Variants in SLC5A1 observed in about 807,000 individuals in gnomAD.
SLC5A1 encodes solute carrier family 5 member 1.
Under a neutral mutation model 73.5 loss-of-function variants are expected in SLC5A1, and 42 were observed. The observed-to-expected ratio is 0.57, with a 90% confidence interval of 0.45 to 0.74. The LOEUF is 0.74. SLC5A1 is among the 30% of genes least tolerant of loss of function. The pLI is 0.00. For synonymous variants in SLC5A1, 300 were observed against 317.4 expected, an observed-to-expected ratio of 0.95 and a Z score of 0.58; for missense variants, 634 against 855.4, an observed-to-expected ratio of 0.74 and a Z score of 3.23.
In SLC5A1 at chr22:32,058,706, A is replaced by G. The variant is rs533168177; in HGVS notation, c.208-8229A>G. On this transcript the variant is annotated intron_variant, in intron 2 of 14. Transcript: ENST00000266088. ...ACACCAAGTATTTAACATTAAAAAA[A>G]TCCTATTTGACGGACTAACCTATAA... Among the ~76,000 whole-genome samples, 3 of 152,340 alleles carry G rather than the reference A, an allele frequency of 2.0e-5. No individual in the cohort carries two copies. The East Asian group carries it at 5.8e-4, about 29-fold the overall frequency.
rs947564415 is a variant in SLC5A1, at chr22:32,112,742, A to G, written c.*2529A>G. The G allele has an allele frequency of 1.5e-4, 23 of 152,132 alleles. No individual in the cohort carries two copies. Among genetic ancestry groups the G allele is most frequent in the Admixed American group, 1.5e-3 (23 of 15,278 alleles). The allele number at this position is 152,132 out of a possible 1,614,324, so 9.4% of individuals were successfully genotyped here. Reference sequence around the variant, plus strand: ...TTATCAAGGGCTGGGGGAGGGAGGGACTGGGGAGATGTTGGTCAAATGATA... The same window carrying G: ...TTATCAAGGGCTGGGGGAGGGAGGGGCTGGGGAGATGTTGGTCAAATGATA... On this transcript the variant is annotated 3_prime_UTR_variant, in exon 15 of 15. Coordinates refer to ENST00000266088, the MANE Select transcript of SLC5A1 (RefSeq NM_000343.4).
intron 10 of SLC5A1, among the ~76,000 whole-genome samples, chr22:32,089,573 T>C (rs1004899726): frequency 2.6e-5 from 4 of 152,218 alleles, no homozygotes; most frequent in South Asian, 2.1e-4. Context: ...TCTTTGAATA[T>C]ATGAAAGATG....
chr22:32,110,778 T>C lies in SLC5A1; in HGVS notation c.*565T>C, dbSNP rs562637224. ...TGGGCTCCCTGTCCTGGGTGTTTGC[T>C]CTCTGAAGTGGAGGCCTGAGGAAGG... On this transcript the variant is annotated 3_prime_UTR_variant, in exon 15 of 15. Coordinates refer to ENST00000266088, the MANE Select transcript of SLC5A1 (RefSeq NM_000343.4). 9 of 167,214 alleles carry C rather than the reference T, an allele frequency of 5.4e-5. No homozygotes were observed. Among genetic ancestry groups the C allele is most frequent in the African/African-American group, 7.2e-5 (3 of 41,662 alleles). 10.4% of individuals were successfully genotyped at this position (167,214 alleles called of 1,614,324 possible).
Position 32,104,768 on chromosome 22 carries a change from G to C in SLC5A1, c.1666-18G>C. The C allele has an allele frequency of 4.4e-6, 7 of 1,607,892 alleles. No homozygotes were observed. The highest frequency in any genetic ancestry group is 5.1e-6 in the Non-Finnish European group (6 of 1,174,554). ...GCTATTTGGATCTTTCTGTTGACCT[G>C]TTCTGCCTTCTCTGCAGCTCTACCG... On this transcript the variant is annotated intron_variant, in intron 13 of 14. Transcript: ENST00000266088.
At chr22:32,062,773 G>A (rs908840832) in intron 2 of SLC5A1, among the ~76,000 whole-genome samples, 2 of 152,164 alleles carry the variant, frequency 1.3e-5, no homozygotes, top group East Asian at 1.9e-4. Flanking sequence ...CATGATGAAC[G>A]CATTGTTGGT....
intron 1 of SLC5A1, among the ~76,000 whole-genome samples, chr22:32,046,857 G>A (rs552899433): frequency 6.6e-6 from 1 of 152,344 alleles, no homozygotes; most frequent in South Asian, 2.1e-4. Flanking sequence ...TTCTCTTGTA[G>A]TTGTAGAGTG....
intron 5 of SLC5A1, 115 bp from the exon 6 acceptor site, chr22:32,081,751 A>C: frequency 2.6e-6 from 2 of 761,908 alleles, no homozygotes; most frequent in Non-Finnish European, 4.8e-6. Flanking sequence ...TTCTCATGGA[A>C]TACGTATTAT....
chr22:32,074,249 T>C (rs2093987321), intron 5 of SLC5A1, among the ~76,000 whole-genome samples: 1 of 152,092 alleles, frequency 6.6e-6, no homozygotes, highest in African/African-American at 2.4e-5. Context: ...TATAAATAAA[T>C]TAGGTGCCCA....
At chr22:32,045,742 A>G (rs2093936316) in intron 1 of SLC5A1, among the ~76,000 whole-genome samples, 1 of 152,110 alleles carries the variant, frequency 6.6e-6, no homozygotes, top group African/African-American at 2.4e-5. Context: ...TTCACCACCT[A>G]TCAGTTTGTT....
intron 8 of SLC5A1, 110 bp downstream of exon 8, chr22:32,084,769 G>T: frequency 6.6e-7 from 1 of 1,512,100 alleles, no homozygotes; most frequent in Admixed American, 1.7e-5. Flanking sequence ...AGCTCAGGTG[G>T]TTTGTAAGTT....
At chr22:32,077,141 C>T (rs745614333) in intron 5 of SLC5A1, among the ~76,000 whole-genome samples, 1 of 152,172 alleles carries the variant, frequency 6.6e-6, no homozygotes, top group Non-Finnish European at 1.5e-5. Context: ...TATTTCACTT[C>T]AAGTTGGTTT....
chr22:32,087,679 TC>T (rs1232892553), intron 10 of SLC5A1, among the ~76,000 whole-genome samples: 4 of 152,160 alleles, frequency 2.6e-5, no homozygotes, highest in Non-Finnish European at 5.9e-5. Flanking sequence ...CAGAAAAATC[TC>T]CTAATTCTGG....
chr22:32,089,297 G>A (rs1050794553), intron 10 of SLC5A1, among the ~76,000 whole-genome samples: 5 of 151,956 alleles, frequency 3.3e-5, no homozygotes, highest in Non-Finnish European at 4.4e-5. Context: ...AAAAAACCTC[G>A]CAACAAATGA....
rs141590644 is a variant in SLC5A1 at position 32,076,905 on chromosome 22, C to T, written c.478-4961C>T. 5.2e-4 allele frequency among the ~76,000 whole-genome samples: 79 copies of T among 152,324 alleles called. 2 individuals are homozygous for T. Among genetic ancestry groups the T allele is most frequent in the African/African-American group, 1.8e-3 (76 of 41,574 alleles). On this transcript the variant is annotated intron_variant, in intron 5 of 14. Coordinates refer to ENST00000266088, the MANE Select transcript of SLC5A1 (RefSeq NM_000343.4). ...GGACATCGTTCAGCCAAATTTTCAA[C>T]GTGATGGGAACAACACCCCTGGGCT...
At chr22:32,093,811 T>C (rs2094022106) in intron 11 of SLC5A1, among the ~76,000 whole-genome samples, 1 of 152,232 alleles carries the variant, frequency 6.6e-6, no homozygotes, top group Admixed American at 6.5e-5. Context: ...ACTTCCCCTT[T>C]ACTGATTTGG....
chr22:32,048,349 C>A (rs2093939861), intron 1 of SLC5A1, among the ~76,000 whole-genome samples: 1 of 152,166 alleles, frequency 6.6e-6, no homozygotes, highest in African/African-American at 2.4e-5. Context: ...CAGAAATAAT[C>A]CGAAGGCTTA....
chr22:32,103,207 CCT>C (rs1182271688), intron 13 of SLC5A1, among the ~76,000 whole-genome samples: 1 of 152,124 alleles, frequency 6.6e-6, no homozygotes, highest in Non-Finnish European at 1.5e-5. Flanking sequence ...TGAGGATTCC[CCT>C]TTCTCCCCAT....
chr22:32,054,017 A>G (rs1031564829), intron 2 of SLC5A1, among the ~76,000 whole-genome samples: 1 of 152,152 alleles, frequency 6.6e-6, no homozygotes, highest in African/African-American at 2.4e-5. Context: ...TACTAAAAAT[A>G]CCAAAATTAG....
chr22:32,087,877 G>A (rs2094010732), intron 10 of SLC5A1, among the ~76,000 whole-genome samples: 1 of 152,134 alleles, frequency 6.6e-6, no homozygotes, highest in Admixed American at 6.5e-5. Context: ...GGGGAGGTGA[G>A]TTTTCCAGGG....
Sources: allele counts gnomAD v4.1 joint callset (sites outside exome capture counted in the v4.1 genomes callset), GRCh38; gene constraint gnomAD v4.1.1; transcripts MANE v1.5; gene names NCBI Gene and HGNC (gene_info 2026-07-23, HGNC 2026-07-21).